Variants in RAB3IP observed in about 807,000 individuals in gnomAD.
The protein encoded by RAB3IP is rab-3A-interacting protein.
RAB3IP carries 36 observed loss-of-function variants against 59.1 expected under a neutral mutation model. The observed-to-expected ratio is 0.61, with a 90% confidence interval of 0.47 to 0.80. RAB3IP has a LOEUF of 0.80. Ranked by LOEUF, RAB3IP falls within the 30% of genes least tolerant of loss-of-function variation. RAB3IP has a pLI of 0.00. For missense variants in RAB3IP, 511 were observed against 536.0 expected (o/e 0.95, Z 0.46); for synonymous variants, 207 against 191.2 (o/e 1.08, Z -0.68).
chr12:69,812,966 C>A lies in RAB3IP; in HGVS notation c.1233C>A (p.Ile411=). ...YYISPFCRYR[I]TSVCNFFTYI... ...GACATTTTCTCCATTTGGCCTAGAT[C>A]ACTTCTGTATGTAACTTTTTTACAT... The change falls in exon 10 of 11, where the codon ATC becomes ATA. Residue 411 remains isoleucine, a splice_region_variant and synonymous_variant. Coordinates refer to ENST00000247833, the MANE Select transcript of RAB3IP (RefSeq NM_022456.5). The A allele has an allele frequency of 6.2e-7, 1 of 1,613,222 alleles. No individual in the cohort carries two copies. Among genetic ancestry groups the A allele is most frequent in the African/African-American group, 1.3e-5 (1 of 75,022 alleles).
In RAB3IP at chr12:69,819,537, T is replaced by TG. The variant is rs1478643315; in HGVS notation, c.*4092dup. 1.3e-5 allele frequency: 2 copies of TG among 152,236 alleles called. No homozygotes were observed. The highest frequency in any genetic ancestry group is 2.9e-5 in the Non-Finnish European group (2 of 68,126). The allele number at this position is 152,236 out of a possible 1,614,324, so 9.4% of individuals were successfully genotyped here. On this transcript the variant is annotated 3_prime_UTR_variant, in exon 11 of 11. Transcript: ENST00000247833. ...GGGCGCTTTAGGGACACTTTGGAGA[T>TG]GAAGTACAGCACTGAGCCCTGAGTT...
At chr12:69,793,899 C>G (rs904227058) in intron 4 of RAB3IP, among the ~76,000 whole-genome samples, 27 of 152,192 alleles carry the variant, frequency 1.8e-4, no homozygotes, top group African/African-American at 5.8e-4. Flanking sequence ...GATTAAAACT[C>G]TATTAAAGGG....
chr12:69,793,867 T>A (rs1242181169), intron 4 of RAB3IP, among the ~76,000 whole-genome samples: 1 of 151,950 alleles, frequency 6.6e-6, no homozygotes. Context: ...ATACCTAGAG[T>A]TTCATATTTG....
Position 69,743,833 on chromosome 12 carries a change from C to T in RAB3IP, c.-26+4802C>T, listed in dbSNP as rs191131791. 3.1e-3 allele frequency among the ~76,000 whole-genome samples: 453 copies of T among 145,398 alleles called. 2 individuals carry two copies. The highest frequency in any genetic ancestry group is 0.011 in the African/African-American group (413 of 38,516). ...CTGAATAACTGTCTCCACTCTTTAC[C>T]GCTTTGCTATTCATTCCTTCTCTAA... On this transcript the variant is annotated intron_variant, in intron 1 of 10. Transcript: ENST00000247833.
At chr12:69,795,531 C>T in intron 6 of RAB3IP, 187 bp downstream of exon 6, 1 of 599,604 alleles carries the variant, frequency 1.7e-6, no homozygotes, top group Non-Finnish European at 3.0e-6. Context: ...ACCTGGCTGA[C>T]CTTGGAGTAC....
At chr12:69,797,792 C>T (rs1430620814) in intron 6 of RAB3IP, among the ~76,000 whole-genome samples, 10 of 151,366 alleles carry the variant, frequency 6.6e-5, no homozygotes, top group East Asian at 1.9e-4. Context: ...TTTGTTCTTG[C>T]GATAGTTTAC....
At chr12:69,762,797 GA>G (rs1371273932) in intron 3 of RAB3IP, among the ~76,000 whole-genome samples, 1 of 145,514 alleles carries the variant, frequency 6.9e-6, no homozygotes, top group Non-Finnish European at 1.5e-5. Flanking sequence ...GAGAAAAAGA[GA>G]AAAAGAAAAA....
At chr12:69,797,477 C>CTTTTTT in intron 6 of RAB3IP, among the ~76,000 whole-genome samples, 3 of 54,954 alleles carry the variant, frequency 5.5e-5, no homozygotes, top group African/African-American at 2.7e-4. Flanking sequence ...TCTTTTCTTT[C>CTTTTTT]TTTTTTTTTT....
chr12:69,742,524 T>C (rs1480420826), intron 1 of RAB3IP, among the ~76,000 whole-genome samples: 2 of 152,154 alleles, frequency 1.3e-5, no homozygotes, highest in Non-Finnish European at 2.9e-5. Context: ...AGAAACATGT[T>C]TATTGGCAAG....
intron 1 of RAB3IP, among the ~76,000 whole-genome samples, chr12:69,748,045 G>GA (rs540599921): frequency 8.8e-5 from 13 of 146,962 alleles, no homozygotes; most frequent in Non-Finnish European, 1.5e-4. Context: ...AAATTGATAT[G>GA]AAAAAAGATA....
At chr12:69,796,344 AC>A in intron 6 of RAB3IP, 1 of 213,226 alleles carries the variant, frequency 4.7e-6, no homozygotes. Flanking sequence ...AAGATATGTT[AC>A]AAAGATAACT....
chr12:69,793,768 C>T (rs774761499), intron 4 of RAB3IP, among the ~76,000 whole-genome samples: 10 of 152,098 alleles, frequency 6.6e-5, no homozygotes, highest in South Asian at 2.1e-4. Context: ...TTTCCCAGTA[C>T]GTAATCAGCA....
In RAB3IP at chr12:69,751,253, G is replaced by A. The variant is rs368627858; in HGVS notation, c.-25-4131G>A. On this transcript the variant is annotated intron_variant, in intron 1 of 10. Transcript: ENST00000247833. ...GTTCAGATTGTCCCGTTTTTGGTTAGTGGGAGTCCGTTTGATATCAGTCCA... is the reference window on the plus strand; with the variant it reads ...GTTCAGATTGTCCCGTTTTTGGTTAATGGGAGTCCGTTTGATATCAGTCCA... Among the ~76,000 whole-genome samples the A allele has an allele frequency of 2.7e-3, 405 of 152,216 alleles. 3 individuals carry two copies. The highest frequency in any genetic ancestry group is 9.2e-3 in the African/African-American group (383 of 41,540).
At chr12:69,766,288 A>G (rs542117861) in intron 3 of RAB3IP, among the ~76,000 whole-genome samples, 67 of 152,284 alleles carry the variant, frequency 4.4e-4, no homozygotes, top group Non-Finnish European at 6.5e-4. Flanking sequence ...AGGAATGCCA[A>G]TAATTCATAG....
chr12:69,807,296 C>T (rs956618496), intron 8 of RAB3IP, among the ~76,000 whole-genome samples: 3 of 147,790 alleles, frequency 2.0e-5, no homozygotes, highest in Non-Finnish European at 3.0e-5. Context: ...AGAGGCGCTC[C>T]TCACCTCCCA....
intron 3 of RAB3IP, among the ~76,000 whole-genome samples, chr12:69,759,621 C>T (rs922886518): frequency 2.0e-5 from 3 of 147,136 alleles, no homozygotes; most frequent in African/African-American, 7.6e-5. Flanking sequence ...CGCCCCCCAC[C>T]TCCCTCCTGG....
rs527964527 is a variant in RAB3IP at position 69,820,762 on chromosome 12, T to A, written c.*5316T>A. 12 of 145,920 alleles carry A rather than the reference T, an allele frequency of 8.2e-5. No homozygotes were observed. The highest frequency in any genetic ancestry group is 2.8e-4 in the African/African-American group (11 of 39,412). The allele number at this position is 145,920 out of a possible 1,614,324, so 9.0% of individuals were successfully genotyped here. On this transcript the variant is annotated 3_prime_UTR_variant, in exon 11 of 11. Coordinates refer to ENST00000247833, the MANE Select transcript of RAB3IP (RefSeq NM_022456.5). ...AATCCCAGCTACTTGGGAGGCTGAG[T>A]CAGGAGAAACGCTCGAACCCAGGAG... is the stretch of plus-strand genomic sequence containing the variant.
intron 4 of RAB3IP, among the ~76,000 whole-genome samples, chr12:69,785,799 C>T (rs1437335365): frequency 1.3e-5 from 2 of 152,196 alleles, no homozygotes; most frequent in Non-Finnish European, 2.9e-5. Flanking sequence ...ACACAATAAA[C>T]CATTATAATA....
At chr12:69,806,040 T>G (rs997114880) in intron 8 of RAB3IP, among the ~76,000 whole-genome samples, 5 of 152,380 alleles carry the variant, frequency 3.3e-5, no homozygotes, top group Admixed American at 6.5e-5. Flanking sequence ...TTCCCTCTTT[T>G]TCTATTTATT....
Sources: gnomAD v4.1 joint callset for allele counts (sites outside exome capture counted in the v4.1 genomes callset) on GRCh38, gnomAD v4.1.1 for gene constraint, MANE v1.5 for transcripts, NCBI Gene and HGNC (gene_info 2026-07-23, HGNC 2026-07-21) for gene names.